RAB38: variants seen among roughly 807,000 people sequenced by gnomAD.
The protein encoded by RAB38 is RAB38, member RAS oncogene family, also known as ras-related protein Rab-38.
RAB38 carries 15 observed loss-of-function variants against 18.4 expected under a neutral mutation model. The ratio of observed to expected loss-of-function variants is 0.82; its 90% confidence interval spans 0.55 to 1.26. The LOEUF is 1.26. Ranked by LOEUF, RAB38 falls within the 50% of genes most tolerant of loss-of-function variation. The pLI is 0.00. For missense variants in RAB38, 294 were observed against 267.4 expected (o/e 1.10, Z -0.69); for synonymous variants, 101 against 104.4 (o/e 0.97, Z 0.20).
intron 2 of RAB38, among the ~76,000 whole-genome samples, chr11:88,121,874 C>G (rs1942634974): frequency 6.6e-6 from 1 of 152,168 alleles, no homozygotes; most frequent in African/African-American, 2.4e-5. Context: ...AGCCCCTGCT[C>G]TTAACCCACT....
chr11:88,026,362 G>A, the RAB38 span, among the ~76,000 whole-genome samples: 1 of 151,444 alleles, frequency 6.6e-6, no homozygotes, highest in South Asian at 2.1e-4. Context: ...AGGAGATCGA[G>A]ACCATCCTGG....
chr11:88,142,703 T>C (rs1413874600), intron 2 of RAB38, among the ~76,000 whole-genome samples: 3 of 152,240 alleles, frequency 2.0e-5, no homozygotes, highest in African/African-American at 7.2e-5. Context: ...TGGACTTTGT[T>C]GGGCAAAATG....
intron 2 of RAB38, 71 bp from the exon 3 acceptor site, chr11:88,114,211 T>A (rs927989637): frequency 4.6e-6 from 7 of 1,509,480 alleles, no homozygotes; most frequent in Non-Finnish European, 6.4e-6. Context: ...GAGACTTATA[T>A]GTGACAATTC....
intron 1 of RAB38, among the ~76,000 whole-genome samples, chr11:88,156,737 A>C (rs1943131611): frequency 6.6e-6 from 1 of 152,112 alleles, no homozygotes; most frequent in African/African-American, 2.4e-5. Context: ...CCACCAAACT[A>C]AGTTCGTAAG....
chr11:87,922,116 A>T, the RAB38 span, among the ~76,000 whole-genome samples: 1 of 152,010 alleles, frequency 6.6e-6, no homozygotes, highest in Non-Finnish European at 1.5e-5. Context: ...AACTTATATG[A>T]CTGTAAATAT....
the RAB38 span, among the ~76,000 whole-genome samples, chr11:87,925,891 A>T: frequency 0.012 from 1,801 of 152,030 alleles, 31 homozygotes; most frequent in African/African-American, 0.036. Flanking sequence ...TTTTGACACG[A>T]ACTCATCTAA....
Position 88,175,329 on chromosome 11 carries a change from C to T in RAB38, c.56G>A (p.Gly19Asp), listed in dbSNP as rs1256761131. 2 of 1,614,076 alleles carry T rather than the reference C, an allele frequency of 1.2e-6. No individual in the cohort carries two copies. The highest frequency in any genetic ancestry group is 2.2e-5 in the East Asian group (1 of 44,894). ...CTTGATGATACTGGTCTTCCCCACGCCCAGGTCGCCAATCACCAGCAACTT... is the reference window on the plus strand; with the variant it reads ...CTTGATGATACTGGTCTTCCCCACGTCCAGGTCGCCAATCACCAGCAACTT... ...LYKLLVIGDLGVGKTSIIKRY... is the reference protein window; with the variant it reads ...LYKLLVIGDLDVGKTSIIKRY... The change falls in exon 1 of 3, where the codon GGC becomes GAC. Residue 19 changes from glycine (G) to aspartate (D), a missense_variant. Gly to Asp is a moderately conservative substitution (Grantham distance 94). Transcript: ENST00000243662.
At chr11:87,937,175 G>A in the RAB38 span, among the ~76,000 whole-genome samples, 1 of 151,224 alleles carries the variant, frequency 6.6e-6, no homozygotes, top group Admixed American at 6.6e-5. Flanking sequence ...TATTGAGTTA[G>A]GTCAAATGCC....
Position 88,175,402 on chromosome 11 carries a change from C to T in RAB38, c.-18G>A, listed in dbSNP as rs1187995776. 5 of 1,588,020 alleles carry T rather than the reference C, an allele frequency of 3.1e-6. No individual in the cohort carries two copies. The highest frequency in any genetic ancestry group is 2.3e-5 in the East Asian group (1 of 42,822). ...GCCTGCATCCTGGCGGCCGGCCAGA[C>T]GTGCCGTGCCTGACCAGGGAAGCGC... On this transcript the variant is annotated 5_prime_UTR_variant, in exon 1 of 3. Transcript: ENST00000243662.
chr11:87,878,641 T>C, the RAB38 span, among the ~76,000 whole-genome samples: 1 of 151,644 alleles, frequency 6.6e-6, no homozygotes, highest in Non-Finnish European at 1.5e-5. Context: ...GAGGCTGTGC[T>C]AAAAATTGCA....
the RAB38 span, among the ~76,000 whole-genome samples, chr11:88,064,365 A>G: frequency 6.6e-6 from 1 of 152,234 alleles, no homozygotes; most frequent in Non-Finnish European, 1.5e-5. Context: ...GCTTCTGGTT[A>G]ATGGCATGTG....
chr11:88,044,440 C>G, the RAB38 span, among the ~76,000 whole-genome samples: 1 of 152,150 alleles, frequency 6.6e-6, no homozygotes. Context: ...CTCCTTCTCC[C>G]TTAGCCTGTG....
chr11:88,038,552 G>A, the RAB38 span, among the ~76,000 whole-genome samples: 2 of 152,014 alleles, frequency 1.3e-5, no homozygotes, highest in Non-Finnish European at 2.9e-5. Flanking sequence ...ACACTTAGTA[G>A]GTACTAAAAA....
the RAB38 span, among the ~76,000 whole-genome samples, chr11:88,096,043 T>C: frequency 6.6e-6 from 1 of 151,870 alleles, no homozygotes; most frequent in Non-Finnish European, 1.5e-5. Flanking sequence ...AACTCTTCTT[T>C]ACACAACATC....
chr11:87,953,468 T>C, the RAB38 span, among the ~76,000 whole-genome samples: 1 of 152,194 alleles, frequency 6.6e-6, no homozygotes, highest in African/African-American at 2.4e-5. Context: ...TATTTAACTG[T>C]GGTCTGAAAA....
At chr11:88,075,841 G>A in the RAB38 span, among the ~76,000 whole-genome samples, 3 of 150,832 alleles carry the variant, frequency 2.0e-5, no homozygotes, top group African/African-American at 7.3e-5. Context: ...AGATTTCACT[G>A]TTGTACTCCA....
chr11:88,092,376 GA>G, the RAB38 span, among the ~76,000 whole-genome samples: 42 of 24,982 alleles, frequency 1.7e-3, 12 homozygotes, highest in African/African-American at 5.2e-3. Context: ...GAGAGAGAGA[GA>G]GAGAGAGAGA....
chr11:87,850,723 C>CAA, the RAB38 span, among the ~76,000 whole-genome samples: 1 of 149,720 alleles, frequency 6.7e-6, no homozygotes, highest in Non-Finnish European at 1.5e-5. Flanking sequence ...GCCACACACA[C>CAA]ACACACACAC....
At chr11:88,047,100 T>C in the RAB38 span, among the ~76,000 whole-genome samples, 334 of 152,326 alleles carry the variant, frequency 2.2e-3, 5 homozygotes, top group South Asian at 0.036. Flanking sequence ...GTGCTCAACT[T>C]ACTCTCTACA....
Sources: allele counts gnomAD v4.1 joint callset (sites outside exome capture counted in the v4.1 genomes callset), GRCh38; gene constraint gnomAD v4.1.1; transcripts MANE v1.5; gene names NCBI Gene and HGNC (gene_info 2026-07-23, HGNC 2026-07-21).